STOX2: variants seen among roughly 807,000 people sequenced by gnomAD.
The protein encoded by STOX2 is storkhead box 2.
In STOX2, 28 loss-of-function variants were observed where a neutral mutation model predicts 60.9. The observed-to-expected ratio is 0.46, with a 90% CI of 0.34 to 0.63. The LOEUF (loss-of-function observed/expected upper bound fraction) is 0.63. Ranked by LOEUF, STOX2 falls within the 30% of genes least tolerant of loss-of-function variation. STOX2 has a pLI of 0.01. For synonymous variants in STOX2, 472 were observed against 463.9 expected, an observed-to-expected ratio of 1.02 and a Z score of -0.22; for missense variants, 1,024 against 1,187.7, an observed-to-expected ratio of 0.86 and a Z score of 2.03.
At chr4:183,951,154 G>T (rs1278832379) in intron 1 of STOX2, among the ~76,000 whole-genome samples, 4 of 150,956 alleles carry the variant, frequency 2.6e-5, no homozygotes, top group African/African-American at 4.9e-5. Context: ...GGTGGAGCTT[G>T]CAGTGAGCCG....
chr4:184,014,054 C>G (rs969217963), intron 3 of STOX2: 1 of 149,362 alleles, frequency 6.7e-6, no homozygotes, highest in Non-Finnish European at 1.5e-5. Flanking sequence ...AAATCTTAAG[C>G]AGGCCATTTA....
chr4:183,963,135 G>A (rs1743459257), intron 1 of STOX2, among the ~76,000 whole-genome samples: 1 of 152,138 alleles, frequency 6.6e-6, no homozygotes, highest in Non-Finnish European at 1.5e-5. Flanking sequence ...AAAAGTCAGT[G>A]TCCCCCAGGT....
At chr4:183,969,792 GA>G (rs1401250320) in intron 1 of STOX2, among the ~76,000 whole-genome samples, 1 of 152,062 alleles carries the variant, frequency 6.6e-6, no homozygotes. Flanking sequence ...GCTAATTTTT[GA>G]AAGTTTTCTG....
At chr4:184,006,964 C>A (rs1341243335) in intron 2 of STOX2, among the ~76,000 whole-genome samples, 3 of 127,870 alleles carry the variant, frequency 2.3e-5, no homozygotes, top group Admixed American at 1.8e-4. Flanking sequence ...TGCAGTGAGC[C>A]GAGATCCCGC....
At chr4:184,008,194 G>A (rs1473395190) in intron 2 of STOX2, among the ~76,000 whole-genome samples, 1 of 152,184 alleles carries the variant, frequency 6.6e-6, no homozygotes, top group East Asian at 1.9e-4. Context: ...CCCTTTATGT[G>A]CCTGGCATTG....
Position 183,988,092 on chromosome 4 carries a change from C to T in STOX2, c.167-13233C>T, listed in dbSNP as rs1186000161. Among the ~76,000 whole-genome samples, 4 of 140,206 alleles carry T rather than the reference C, an allele frequency of 2.9e-5. No individual in the cohort carries two copies. The East Asian group carries it at 8.5e-4, about 30-fold the overall frequency. The allele number at this position is 140,206 out of a possible 152,430, so 92.0% of individuals were successfully genotyped here. ...TTGGAGAGGAGAGTGTGCCCCTCGC[C>T]ACCCCGCGCCTGGGGTACATTCTGA... On this transcript the variant is annotated intron_variant, in intron 1 of 3. Transcript: ENST00000308497.
At chr4:183,951,070 G>T (rs1169808065) in intron 1 of STOX2, among the ~76,000 whole-genome samples, 2 of 151,868 alleles carry the variant, frequency 1.3e-5, no homozygotes, top group African/African-American at 2.4e-5. Context: ...AAAAAAATTA[G>T]CCGGGCGTGG....
At chr4:183,808,181 T>G (rs1169630505) in intron 1 of STOX2, among the ~76,000 whole-genome samples, 2 of 152,208 alleles carry the variant, frequency 1.3e-5, no homozygotes, top group Admixed American at 1.3e-4. Flanking sequence ...CTCAGTGAAC[T>G]CTGCGGCGCT....
At chr4:183,989,867 C>T (rs1340952969) in intron 1 of STOX2, among the ~76,000 whole-genome samples, 1 of 152,198 alleles carries the variant, frequency 6.6e-6, no homozygotes, top group Non-Finnish European at 1.5e-5. Flanking sequence ...GCTTTACCCC[C>T]TCATCACATG....
chr4:183,845,322 GA>G (rs758843290), intron 1 of STOX2, among the ~76,000 whole-genome samples: 37 of 152,156 alleles, frequency 2.4e-4, no homozygotes, highest in Non-Finnish European at 5.0e-4. Context: ...AAAAGCTTCA[GA>G]AAAGCTTAAG....
chr4:183,933,218 C>A (rs1742487978), intron 1 of STOX2, among the ~76,000 whole-genome samples: 1 of 152,186 alleles, frequency 6.6e-6, no homozygotes, highest in Admixed American at 6.5e-5. Flanking sequence ...TGTGGACAGA[C>A]ACAAATACCG....
chr4:183,807,729 C>T (rs1388364544), intron 1 of STOX2, among the ~76,000 whole-genome samples: 6 of 152,118 alleles, frequency 3.9e-5, no homozygotes, highest in Non-Finnish European at 5.9e-5. Flanking sequence ...CAGGTGAGGG[C>T]CCAGGGTGCT....
rs60432446 is a variant in STOX2, at chr4:183,968,343, TACACACAC to T, written c.167-32952_167-32945del. 2.7e-3 allele frequency among the ~76,000 whole-genome samples: 387 copies of T among 145,600 alleles called. 1 individual carries two copies. Among genetic ancestry groups the T allele is most frequent in the Middle Eastern group, 7.1e-3 (2 of 280 alleles). On this transcript the variant is annotated intron_variant, in intron 1 of 3. Coordinates refer to ENST00000308497, the MANE Select transcript of STOX2 (RefSeq NM_020225.3). The stretch of plus-strand genomic sequence containing the variant: ...TTTAACATGCACACATGCATATACC[TACACACAC>T]ACACACACACACACACACACACACA...
chr4:183,897,142 G>T (rs999894774), intron 1 of STOX2, among the ~76,000 whole-genome samples: 4 of 152,174 alleles, frequency 2.6e-5, no homozygotes, highest in African/African-American at 9.7e-5. Context: ...TGTTAACATT[G>T]TCAGTCATGT....
Position 184,009,151 on chromosome 4 carries a change from T to A in STOX2, c.320-7T>A. 6.8e-7 allele frequency: 1 copy of A among 1,464,886 alleles called. No homozygotes were observed. Among genetic ancestry groups the A allele is most frequent in the Non-Finnish European group, 9.1e-7 (1 of 1,101,978 alleles). 90.7% of individuals were successfully genotyped at this position (1,464,886 alleles called of 1,614,324 possible). The stretch of plus-strand genomic sequence containing the variant: ...CTCACAAGTGGTTTTTTTTTTTTTT[T>A]TTTCAGGTGTTCCAACGCCAAGCCA... On this transcript the variant is annotated splice_polypyrimidine_tract_variant and splice_region_variant and intron_variant, in intron 2 of 3. Transcript: ENST00000308497. The surrounding 1 kb of genome is among the most constrained non-coding windows in gnomAD (Gnocchi z 4.0).
intron 1 of STOX2, among the ~76,000 whole-genome samples, chr4:183,887,817 C>T (rs1741118140): frequency 6.6e-6 from 1 of 152,236 alleles, no homozygotes; most frequent in Admixed American, 6.5e-5. Context: ...AATCATACCT[C>T]ACTGTAGCCT....
At chr4:183,985,677 A>G (rs1732811214) in intron 1 of STOX2, among the ~76,000 whole-genome samples, 1 of 152,052 alleles carries the variant, frequency 6.6e-6, no homozygotes, top group Admixed American at 6.6e-5. Context: ...TTCTTTCTCC[A>G]CATATTTAAC....
chr4:183,994,498 G>C (rs1733248129), intron 1 of STOX2, among the ~76,000 whole-genome samples: 1 of 152,310 alleles, frequency 6.6e-6, no homozygotes, highest in South Asian at 2.1e-4. Context: ...GTTCAGATGA[G>C]TGTTAAAATA....
In STOX2 at chr4:183,813,566, T is replaced by A. The variant is rs558500215; in HGVS notation, c.364+15511T>A. ...GGATTTTCGTATTCTTGGTATCTGA[T>A]CCTCTGTACCGAGGGAGGCCTGTGT... is the stretch of plus-strand genomic sequence containing the variant. On this transcript the variant is annotated intron_variant, in intron 1 of 2. Coordinates refer to the STOX2 transcript ENST00000513034. Among the ~76,000 whole-genome samples, 146 of 152,332 alleles carry A rather than the reference T, an allele frequency of 9.6e-4. 1 individual carries two copies. The highest frequency in any genetic ancestry group is 3.4e-3 in the African/African-American group (142 of 41,574).
Sources: allele counts gnomAD v4.1 joint callset (sites outside exome capture counted in the v4.1 genomes callset), GRCh38; gene constraint gnomAD v4.1.1; non-coding constraint Gnocchi (gnomAD v3.1); transcripts MANE v1.5; gene names NCBI Gene and HGNC (gene_info 2026-07-23, HGNC 2026-07-21).